Variants in DNAH11 observed in about 807,000 individuals in gnomAD.
The protein encoded by DNAH11 is dynein axonemal heavy chain 11, also known as axonemal beta dynein heavy chain 11.
In DNAH11, 442 loss-of-function variants were observed where a neutral mutation model predicts 526.0. The observed-to-expected ratio is 0.84, with a 90% CI of 0.78 to 0.91. DNAH11 has a LOEUF of 0.91. Among genes scored for constraint, DNAH11 ranks in the 40% least tolerant of loss-of-function variants. The probability of loss-of-function intolerance (pLI) is 0.00; values close to 1 mark genes in which losing one functional copy is unlikely to be tolerated. For synonymous variants in DNAH11, 2,461 were observed against 1,935.9 expected (o/e 1.27, Z -7.12); for missense variants, 6,989 against 5,448.7 (o/e 1.28, Z -8.90).
chr7:21,692,368 T>C (rs1783669771), intron 35 of DNAH11, among the ~76,000 whole-genome samples: 1 of 152,192 alleles, frequency 6.6e-6, no homozygotes, highest in African/African-American at 2.4e-5. Flanking sequence ...TAATGTACTT[T>C]CTGTGATTAT....
chr7:21,844,415 ACT>A (rs764241460), intron 66 of DNAH11, among the ~76,000 whole-genome samples: 27 of 152,136 alleles, frequency 1.8e-4, no homozygotes, highest in Non-Finnish European at 3.4e-4. Flanking sequence ...ACAGAGCAAG[ACT>A]CTGTCTCAAA....
chr7:21,818,080 A>G (rs1219954383), intron 64 of DNAH11, 137 bp from the exon 65 acceptor site: 3 of 745,006 alleles, frequency 4.0e-6, no homozygotes, highest in African/African-American at 3.6e-5. Context: ...GAAGGGAACT[A>G]CTACTTTATA....
chr7:21,687,016 A>G (rs1783402047), intron 32 of DNAH11, 83 bp from the exon 33 acceptor site: 1 of 1,359,756 alleles, frequency 7.4e-7, no homozygotes, highest in African/African-American at 1.5e-5. Context: ...AGCTTCTTAA[A>G]CTTTTTTTCT....
chr7:21,547,245 T>C (rs1212591381), intron 2 of DNAH11, among the ~76,000 whole-genome samples: 2 of 152,224 alleles, frequency 1.3e-5, no homozygotes, highest in African/African-American at 4.8e-5. Context: ...GCTCAGAATT[T>C]CGTAGTGTTT....
At chr7:21,585,779 G>C (rs962273380) in intron 9 of DNAH11, among the ~76,000 whole-genome samples, 1 of 152,168 alleles carries the variant, frequency 6.6e-6, no homozygotes, top group South Asian at 2.1e-4. Flanking sequence ...GTACTACACC[G>C]AACAATGGCA....
At chr7:21,895,309 AGTT>A (rs77308590) in intron 79 of DNAH11, among the ~76,000 whole-genome samples, 3,306 of 152,256 alleles carry the variant, frequency 0.022, 39 homozygotes, top group Middle Eastern at 0.037. Flanking sequence ...GAATCCCCTG[AGTT>A]GTTGTTAAGA....
At chr7:21,787,076 G>GT (rs1338636369) in intron 59 of DNAH11, among the ~76,000 whole-genome samples, 1 of 152,182 alleles carries the variant, frequency 6.6e-6, no homozygotes, top group Non-Finnish European at 1.5e-5. Context: ...CTGGAAAAAT[G>GT]TTGCTAATGT....
At chr7:21,794,374 G>A (rs886518450) in intron 61 of DNAH11, among the ~76,000 whole-genome samples, 1 of 152,114 alleles carries the variant, frequency 6.6e-6, no homozygotes, top group African/African-American at 2.4e-5. Flanking sequence ...TGACTGGCTT[G>A]TTTTGGTCTT....
At chr7:21,720,523 G>T (rs1326648538) in intron 43 of DNAH11, among the ~76,000 whole-genome samples, 1 of 151,146 alleles carries the variant, frequency 6.6e-6, no homozygotes, top group African/African-American at 2.4e-5. Flanking sequence ...TTATTACCTA[G>T]ATCATTTTGG....
chr7:21,715,405 A>G lies in DNAH11; in HGVS notation c.6984-2370A>G, dbSNP rs76094998. 9.3e-4 allele frequency among the ~76,000 whole-genome samples: 142 copies of G among 152,310 alleles called. 1 individual carries two copies. Among genetic ancestry groups the G allele is most frequent in the African/African-American group, 3.3e-3 (137 of 41,586 alleles). On this transcript the variant is annotated intron_variant, in intron 42 of 81. Coordinates refer to ENST00000409508, the MANE Select transcript of DNAH11 (RefSeq NM_001277115.2). Reference sequence around the variant, plus strand: ...CATTTGCAAATTCTGGAAAGCCACAATTCTCTGTTAATGACCTGCATATTG... The same window carrying G: ...CATTTGCAAATTCTGGAAAGCCACAGTTCTCTGTTAATGACCTGCATATTG...
At chr7:21,697,421 G>C (rs542136490) in intron 35 of DNAH11, among the ~76,000 whole-genome samples, 1 of 152,144 alleles carries the variant, frequency 6.6e-6, no homozygotes, top group African/African-American at 2.4e-5. Context: ...AAGTTTTCAT[G>C]AATGTTCTGA....
chr7:21,861,688 A>G lies in DNAH11; in HGVS notation c.11203-165A>G, dbSNP rs548753690. Among the ~76,000 whole-genome samples, 269 of 152,362 alleles carry G rather than the reference A, an allele frequency of 1.8e-3. 10 individuals carry two copies. The South Asian group carries it at 0.055, about 31-fold the overall frequency. On this transcript the variant is annotated intron_variant, in intron 68 of 81. Transcript: ENST00000409508. ...CATAATAACAGTAATGACAGCAAAC[A>G]TTTAATGAGCATGTACCATGTGCCA...
Position 21,597,536 on chromosome 7 carries a change from A to AG in DNAH11, c.2668-2249dup, listed in dbSNP as rs1249775297. ...TCAGGAAACTTACAATCATGGCAGA[A>AG]GGCAAAGGGGAAGCAAGGTCCGTCT... is the stretch of plus-strand genomic sequence containing the variant. On this transcript the variant is annotated intron_variant, in intron 14 of 81. Transcript: ENST00000409508. Among the ~76,000 whole-genome samples the AG allele has an allele frequency of 2.0e-5, 3 of 152,174 alleles. No individual in the cohort carries two copies. In the East Asian group the frequency reaches 5.8e-4, roughly 29 times the overall value.
intron 71 of DNAH11, 133 bp from the exon 72 acceptor site, chr7:21,867,726 T>C (rs2128034819): frequency 1.3e-6 from 1 of 745,752 alleles, no homozygotes; most frequent in Non-Finnish European, 2.2e-6. Context: ...CATATTGTTA[T>C]TCTAACAAGA....
At chr7:21,607,709 A>G (rs367703965) in intron 20 of DNAH11, among the ~76,000 whole-genome samples, 5 of 152,060 alleles carry the variant, frequency 3.3e-5, no homozygotes, top group African/African-American at 1.2e-4. Context: ...AGGTGGGCAT[A>G]TCATGAGGTC....
intron 45 of DNAH11, among the ~76,000 whole-genome samples, chr7:21,733,644 T>A: frequency 6.6e-6 from 1 of 152,338 alleles, no homozygotes; most frequent in Admixed American, 6.5e-5. Context: ...GAGTTTGTAC[T>A]CTTTCTTTCC....
At chr7:21,835,603 G>A (rs73277785) in intron 65 of DNAH11, among the ~76,000 whole-genome samples, 10,905 of 152,014 alleles carry the variant, frequency 0.072, 1,217 homozygotes, top group African/African-American at 0.24. Flanking sequence ...GTGTATAGAA[G>A]GAACATACCT....
intron 28 of DNAH11, among the ~76,000 whole-genome samples, chr7:21,652,349 C>A (rs1781814274): frequency 6.6e-6 from 1 of 152,166 alleles, no homozygotes; most frequent in Non-Finnish European, 1.5e-5. Context: ...ACATTGAATG[C>A]TTGAAAGGTA....
intron 22 of DNAH11, 45 bp from the exon 23 acceptor site, chr7:21,617,574 G>A: frequency 1.2e-6 from 2 of 1,601,294 alleles, no homozygotes; most frequent in East Asian, 2.2e-5. Flanking sequence ...AATATATACT[G>A]TGTTATATCT....
Sources: gnomAD v4.1 joint callset for allele counts (sites outside exome capture counted in the v4.1 genomes callset) on GRCh38, gnomAD v4.1.1 for gene constraint, MANE v1.5 for transcripts, NCBI Gene and HGNC (gene_info 2026-07-23, HGNC 2026-07-21) for gene names.